Variants in INSL6 observed in about 807,000 individuals in gnomAD.
The protein encoded by INSL6 is insulin-like peptide INSL6.
Under a neutral mutation model 9.4 loss-of-function variants are expected in INSL6, and 16 were observed. The observed-to-expected ratio is 1.70, with a 90% confidence interval of 1.15 to 2.59. INSL6 has a LOEUF of 2.59. Among genes scored for constraint, INSL6 ranks in the 30% most tolerant of loss-of-function variants. The probability of loss-of-function intolerance (pLI) is 0.00; values close to 1 mark genes in which losing one functional copy is unlikely to be tolerated. For missense variants in INSL6, 391 were observed against 257.3 expected, an observed-to-expected ratio of 1.52 and a Z score of -3.56; for synonymous variants, 154 against 96.9, an observed-to-expected ratio of 1.59 and a Z score of -3.46.
At chr9:5,133,909 A>C (rs1824339744) in intron 2 of INSL6, among the ~76,000 whole-genome samples, 2 of 152,138 alleles carry the variant, frequency 1.3e-5, no homozygotes, top group Admixed American at 1.3e-4. Flanking sequence ...GAGCTAAAGG[A>C]ACATGTTCTA....
intron 2 of INSL6, among the ~76,000 whole-genome samples, chr9:5,148,571 C>A (rs1055195103): frequency 1.3e-5 from 2 of 152,202 alleles, no homozygotes; most frequent in African/African-American, 2.4e-5. Context: ...CATACCCTTA[C>A]AGGACCAGCC....
At chr9:5,000,918 A>G in the INSL6 span, among the ~76,000 whole-genome samples, 1 of 152,224 alleles carries the variant, frequency 6.6e-6, no homozygotes, top group African/African-American at 2.4e-5. Flanking sequence ...GTTTCTAGGA[A>G]TTGGCTAGCC....
chr9:5,041,401 C>G, the INSL6 span: 1 of 629,148 alleles, frequency 1.6e-6, no homozygotes, highest in Non-Finnish European at 3.0e-6. Context: ...ACTGCAACAA[C>G]CTGGAGGTGC....
At chr9:5,072,651 A>G in the INSL6 span, 1 of 1,538,012 alleles carries the variant, frequency 6.5e-7, no homozygotes, top group Non-Finnish European at 8.8e-7. Flanking sequence ...TATATTGTTC[A>G]TGTAGTTTAT....
the INSL6 span, chr9:5,094,767 G>T: frequency 7.9e-5 from 12 of 152,060 alleles, no homozygotes; most frequent in Non-Finnish European, 1.8e-4. Context: ...GAATATTATT[G>T]TATAAATGCC....
rs191031684 is a variant in INSL6 at position 5,180,933 on chromosome 9, C to T, written c.289+4381G>A. The stretch of plus-strand genomic sequence containing the variant: ...TACTCCCTGTTCTTACACCCCCTCC[C>T]CTTTTGAAACTCTTAACAAAAAACT... On this transcript the variant is annotated intron_variant, in intron 1 of 1. Transcript: ENST00000381641. 8.8e-3 allele frequency among the ~76,000 whole-genome samples: 1,344 copies of T among 152,280 alleles called. 19 individuals are homozygous for T. Among genetic ancestry groups the T allele is most frequent in the African/African-American group, 0.029 (1,219 of 41,550 alleles).
Position 5,163,980 on chromosome 9 carries a change from C to T in INSL6, c.575G>A (p.Cys192Tyr). 6.2e-7 allele frequency: 1 copy of T among 1,612,208 alleles called. No homozygotes were observed. The highest frequency in any genetic ancestry group is 8.5e-7 in the Non-Finnish European group (1 of 1,179,628). Reference sequence around the variant, plus strand: ...CCTTTTAAAATCAATATATGGAAGACATGCAATGCTAAGTTCTTCTTTTGT... The same window carrying T: ...CCTTTTAAAATCAATATATGGAAGATATGCAATGCTAAGTTCTTCTTTTGT... ...GCTKEELSIA[C>Y]LPYIDFKRLK... The change falls in exon 2 of 2, where the codon TGT (cysteine) becomes TAT (tyrosine). Residue 192 changes from cysteine to tyrosine, a missense_variant. Physicochemically the swap from Cys to Tyr is radical, Grantham distance 194. Transcript: ENST00000381641.
chr9:5,019,937 A>G, the INSL6 span, among the ~76,000 whole-genome samples: 1 of 152,264 alleles, frequency 6.6e-6, no homozygotes, highest in South Asian at 2.1e-4. Flanking sequence ...CAGTTGGACA[A>G]CCATGCCTGT....
chr9:5,090,368 T>TTATG, the INSL6 span: 1 of 1,054,032 alleles, frequency 9.5e-7, no homozygotes, highest in South Asian at 3.3e-5. Context: ...TTTAAGTCAT[T>TTATG]TATGTATGAT....
chr9:5,133,406 A>C (rs895372579), intron 3 of INSL6: 3 of 152,094 alleles, frequency 2.0e-5, no homozygotes, highest in African/African-American at 7.3e-5. Flanking sequence ...GTTTACACAT[A>C]ATCTTTTTAA....
the INSL6 span, among the ~76,000 whole-genome samples, chr9:5,105,958 C>T: frequency 6.6e-6 from 1 of 152,136 alleles, no homozygotes; most frequent in African/African-American, 2.4e-5. Flanking sequence ...ACCATAAAAG[C>T]CCTAGAAGAA....
the INSL6 span, among the ~76,000 whole-genome samples, chr9:5,116,730 C>G: frequency 1.3e-5 from 2 of 152,116 alleles, no homozygotes; most frequent in Non-Finnish European, 2.9e-5. Flanking sequence ...AGGACTGTCC[C>G]TTAGTAGAAA....
the INSL6 span, among the ~76,000 whole-genome samples, chr9:4,993,788 A>G: frequency 6.6e-6 from 1 of 152,196 alleles, no homozygotes; most frequent in Non-Finnish European, 1.5e-5. Context: ...CATAACGTTG[A>G]TAAGAAAAAA....
At chr9:5,095,225 T>C in the INSL6 span, among the ~76,000 whole-genome samples, 1 of 152,186 alleles carries the variant, frequency 6.6e-6, no homozygotes, top group East Asian at 1.9e-4. Flanking sequence ...CTTCCCATAC[T>C]AATTAATCCA....
At position 5,154,670 on chromosome 9, in the gene INSL6, G is replaced by A. The variant is rs570463069; in HGVS notation, c.376+9509C>T. ...CCATCAACAACTGGACGAAGGATAT[G>A]AACAGACACTTCTCAAAAGAAGACA... On this transcript the variant is annotated intron_variant, in intron 2 of 3. Coordinates refer to the INSL6 transcript ENST00000649639. 5.3e-5 allele frequency among the ~76,000 whole-genome samples: 8 copies of A among 152,318 alleles called. 1 individual carries two copies. The South Asian group carries it at 1.5e-3, about 28-fold the overall frequency.
At chr9:5,006,399 A>G in the INSL6 span, among the ~76,000 whole-genome samples, 33 of 152,262 alleles carry the variant, frequency 2.2e-4, no homozygotes, top group African/African-American at 7.0e-4. Flanking sequence ...GGCTGAGACA[A>G]TGGGGTTTTC....
the INSL6 span, chr9:5,110,733 C>T: frequency 5.5e-6 from 2 of 361,594 alleles, no homozygotes; most frequent in Non-Finnish European, 1.1e-5. Context: ...GCTATAGTAC[C>T]CGTGTTATTT....
At position 5,167,405 on chromosome 9, in the gene INSL6, G is replaced by A. The variant is rs116554881; in HGVS notation, c.290-3140C>T. Among the ~76,000 whole-genome samples the A allele has an allele frequency of 3.9e-3, 589 of 152,340 alleles. 1 individual carries two copies. The highest frequency in any genetic ancestry group is 0.014 in the African/African-American group (570 of 41,586). ...GGGGGAAGAGGCAGCTGCCATTACT[G>A]TGTCTTCAGTCCACCGTTTTCCCCT... On this transcript the variant is annotated intron_variant, in intron 1 of 1. Coordinates refer to ENST00000381641, the MANE Select transcript of INSL6 (RefSeq NM_007179.3).
intron 2 of INSL6, among the ~76,000 whole-genome samples, chr9:5,145,287 C>T (rs746189624): frequency 4.6e-5 from 7 of 151,558 alleles, no homozygotes; most frequent in Non-Finnish European, 8.9e-5. Flanking sequence ...TACTGACCCC[C>T]TATCTCTTCT....
Sources: allele counts gnomAD v4.1 joint callset (sites outside exome capture counted in the v4.1 genomes callset), GRCh38; gene constraint gnomAD v4.1.1; transcripts MANE v1.5; gene names NCBI Gene and HGNC (gene_info 2026-07-23, HGNC 2026-07-21).